Variants in ARHGEF10 observed in about 807,000 individuals in gnomAD.
The protein encoded by ARHGEF10 is Rho guanine nucleotide exchange factor (GEF) 10.
In ARHGEF10, 140 loss-of-function variants were observed where a neutral mutation model predicts 147.4. The observed-to-expected ratio is 0.95, with a 90% CI of 0.83 to 1.09. The LOEUF (loss-of-function observed/expected upper bound fraction) is 1.09. ARHGEF10 is among the 50% of genes least tolerant of loss of function. The pLI, the probability that ARHGEF10 is intolerant of heterozygous loss-of-function variation, is 0.00. For missense variants in ARHGEF10, 2,222 were observed against 1,752.7 expected, an observed-to-expected ratio of 1.27 and a Z score of -4.78; for synonymous variants, 902 against 695.8, an observed-to-expected ratio of 1.30 and a Z score of -4.67.
chr8:1,844,676 G>A (rs10099567), intron 2 of ARHGEF10, among the ~76,000 whole-genome samples: 70,055 of 151,880 alleles, frequency 0.46, 17,794 homozygotes, highest in South Asian at 0.6. Context: ...ACGTCGGCCG[G>A]TCTCCTTGCC....
Position 1,876,737 on chromosome 8 carries a change from A to G in ARHGEF10, c.843+3A>G. 1 of 1,614,128 alleles carries G rather than the reference A, an allele frequency of 6.2e-7. No homozygotes were observed. The highest frequency in any genetic ancestry group is 8.5e-7 in the Non-Finnish European group (1 of 1,180,000). ...TGCGCAGCAACCACAAAAAGCAAGT[A>G]CGTGTTCCCTGCACATGTGAGGGAT... On this transcript the variant is annotated splice_donor_region_variant and intron_variant, in intron 8 of 28. Coordinates refer to ENST00000349830, the MANE Select transcript of ARHGEF10 (RefSeq NM_014629.4).
rs376600949 is a variant in ARHGEF10, at chr8:1,874,306, G to A, written c.680-2265G>A. ...AGTTCTAACAGACCTAAGTAAAGGC[G>A]TCCAAACGTGCCTGATCCTGTGGCT... On this transcript the variant is annotated intron_variant, in intron 7 of 28. Coordinates refer to ENST00000349830, the MANE Select transcript of ARHGEF10 (RefSeq NM_014629.4). 3.9e-5 allele frequency among the ~76,000 whole-genome samples: 6 copies of A among 152,290 alleles called. No individual in the cohort carries two copies. In the East Asian group the frequency reaches 7.7e-4, roughly 20 times the overall value.
In ARHGEF10 at chr8:1,854,268, C is replaced by A. The variant is rs148115564; in HGVS notation, c.38-3692C>A. ...CAGCCTCACCATCGATGGAGGCCCC[C>A]TTGGAGGTGGGGGTCAGAGGAGCAG... On this transcript the variant is annotated intron_variant, in intron 2 of 28. Transcript: ENST00000349830. Among the ~76,000 whole-genome samples, 733 of 152,186 alleles carry A rather than the reference C, an allele frequency of 4.8e-3. 3 individuals carry two copies. Among genetic ancestry groups the A allele is most frequent in the African/African-American group, 0.017 (688 of 41,528 alleles).
chr8:1,834,761 C>T (rs984735685), intron 1 of ARHGEF10, among the ~76,000 whole-genome samples: 4 of 152,238 alleles, frequency 2.6e-5, no homozygotes, highest in Admixed American at 6.5e-5. Flanking sequence ...GTTTCCTCCT[C>T]GTGGATTTAT....
At position 1,874,851 on chromosome 8, in the gene ARHGEF10, T is replaced by A. The variant is rs377496320; in HGVS notation, c.680-1720T>A. On this transcript the variant is annotated intron_variant, in intron 7 of 28. Coordinates refer to ENST00000349830, the MANE Select transcript of ARHGEF10 (RefSeq NM_014629.4). ...GACACACACCACGGCGTGTAGGGGG[T>A]AGAGGTTCTAAGACAGTCTGGTGGG... Among the ~76,000 whole-genome samples, 19 of 89,420 alleles carry A rather than the reference T, an allele frequency of 2.1e-4. 1 individual carries two copies. The highest frequency in any genetic ancestry group is 1.6e-3 in the Admixed American group (14 of 8,892). 58.7% of individuals were successfully genotyped at this position (89,420 alleles called of 152,430 possible).
At chr8:1,929,706 C>T (rs566560703) in intron 25 of ARHGEF10, among the ~76,000 whole-genome samples, 5 of 152,342 alleles carry the variant, frequency 3.3e-5, no homozygotes, top group East Asian at 1.9e-4. Flanking sequence ...TGTTTCTCCC[C>T]CTCGGATGGG....
intron 2 of ARHGEF10, among the ~76,000 whole-genome samples, chr8:1,854,018 G>A (rs1208870343): frequency 1.3e-5 from 2 of 152,214 alleles, no homozygotes; most frequent in Non-Finnish European, 2.9e-5. Context: ...GGATTTAGGG[G>A]ACACAATTGA....
At chr8:1,878,048 T>G (rs1807855277) in intron 8 of ARHGEF10, among the ~76,000 whole-genome samples, 1 of 152,094 alleles carries the variant, frequency 6.6e-6, no homozygotes, top group Non-Finnish European at 1.5e-5. Flanking sequence ...CTCGTGAAAC[T>G]CAAGGAGAAT....
chr8:1,894,572 G>A lies in ARHGEF10; in HGVS notation c.1440G>A (p.Ser480=), dbSNP rs1201139669. 6.2e-6 allele frequency: 10 copies of A among 1,613,910 alleles called. No individual in the cohort carries two copies. The highest frequency in any genetic ancestry group is 2.2e-5 in the East Asian group (1 of 44,870). ...TGATAGGCGATGTCTTCGTGGCTTC[G>A]GTAATTAAGCTGGGACACCTGGATG... ...VEMIGDVFVA[S]FSKSMVLDAY... The change falls in exon 13 of 29, where the codon TCG becomes TCA. Residue 480 remains serine, a splice_region_variant and synonymous_variant. Transcript: ENST00000349830.
intron 15 of ARHGEF10, among the ~76,000 whole-genome samples, chr8:1,900,791 C>T (rs746330709): frequency 7.2e-5 from 11 of 152,196 alleles, no homozygotes; most frequent in South Asian, 2.1e-4. Flanking sequence ...TCTTCCAGAT[C>T]GTCACCAGCA....
chr8:1,875,543 C>T (rs146578422), intron 7 of ARHGEF10, among the ~76,000 whole-genome samples: 2 of 152,256 alleles, frequency 1.3e-5, no homozygotes, highest in African/African-American at 2.4e-5. Context: ...GATCATTGTC[C>T]GTGGCACACA....
intron 1 of ARHGEF10, among the ~76,000 whole-genome samples, chr8:1,825,092 G>A (rs1438362696): frequency 2.4e-3 from 1 of 410 alleles, no homozygotes; most frequent in African/African-American, 0.024. Context: ...CTGTCCCCCC[G>A]CACCCCACCT....
chr8:1,948,129 A>G lies in ARHGEF10; in HGVS notation c.3397+2474A>G, dbSNP rs1438983011. Among the ~76,000 whole-genome samples, 1 of 152,020 alleles carries G rather than the reference A, an allele frequency of 6.6e-6. No homozygotes were observed. Among genetic ancestry groups the G allele is most frequent in the East Asian group, 1.9e-4 (1 of 5,138 alleles). ...GGCGGCCGATGATGGATCCATCCCAAGCCCACCACAAGCCTCTCACTTGGC... is the reference window on the plus strand; with the variant it reads ...GGCGGCCGATGATGGATCCATCCCAGGCCCACCACAAGCCTCTCACTTGGC... On this transcript the variant is annotated intron_variant, in intron 27 of 28. Coordinates refer to ENST00000349830, the MANE Select transcript of ARHGEF10 (RefSeq NM_014629.4). The surrounding 1 kb of genome is among the most constrained non-coding windows in gnomAD (Gnocchi z 4.9).
intron 2 of ARHGEF10, among the ~76,000 whole-genome samples, chr8:1,850,069 C>CAT (rs1287240538): frequency 1.0e-5 from 1 of 98,866 alleles, no homozygotes; most frequent in East Asian, 3.0e-4. Flanking sequence ...GGGCCGGCTG[C>CAT]GTGGACACAG....
In ARHGEF10 at chr8:1,894,349, C is replaced by G. The variant is rs573255520; in HGVS notation, c.1261-44C>G. ...TGGACAACAAAACAAGACCCAGGCT[C>G]TGAAAAAGAAAAGTCTGAACTGTCT... On this transcript the variant is annotated intron_variant, in intron 12 of 28. Transcript: ENST00000349830. 8 of 1,610,228 alleles carry G rather than the reference C, an allele frequency of 5.0e-6. No homozygotes were observed. The African/African-American group carries it at 8.0e-5, about 16-fold the overall frequency.
At chr8:1,850,571 G>A (rs2129060496) in intron 2 of ARHGEF10, among the ~76,000 whole-genome samples, 1 of 151,870 alleles carries the variant, frequency 6.6e-6, no homozygotes, top group East Asian at 1.9e-4. Context: ...GACGGCAAAT[G>A]CTGAGGAGGG....
intron 7 of ARHGEF10, among the ~76,000 whole-genome samples, chr8:1,872,308 G>C (rs990675687): frequency 1.3e-5 from 2 of 152,222 alleles, no homozygotes; most frequent in African/African-American, 4.8e-5. Flanking sequence ...AGGCTCAGAT[G>C]TTTTTATGCT....
intron 1 of ARHGEF10, among the ~76,000 whole-genome samples, chr8:1,835,339 G>A (rs1270387132): frequency 6.6e-6 from 1 of 152,218 alleles, no homozygotes; most frequent in Non-Finnish European, 1.5e-5. Flanking sequence ...AGCCCTGTGA[G>A]TCGGTGCCGT....
intron 2 of ARHGEF10, among the ~76,000 whole-genome samples, chr8:1,850,467 G>A (rs116252057): frequency 0.021 from 3,179 of 150,438 alleles, 123 homozygotes; most frequent in African/African-American, 0.074. Context: ...CAACCGCGTG[G>A]GCATGGACGG....
Sources: gnomAD v4.1 joint callset for allele counts (sites outside exome capture counted in the v4.1 genomes callset) on GRCh38, gnomAD v4.1.1 for gene constraint, Gnocchi (gnomAD v3.1) non-coding constraint, MANE v1.5 for transcripts, NCBI Gene and HGNC (gene_info 2026-07-23, HGNC 2026-07-21) for gene names.